The following PARD3B variants were observed in gnomAD, a reference collection of about 807,000 sequenced individuals.
PARD3B encodes par-3 family cell polarity regulator beta, also known as partitioning defective 3 homolog B.
PARD3B carries 103 observed loss-of-function variants against 130.2 expected under a neutral mutation model. The observed-to-expected ratio is 0.79, with a 90% CI of 0.67 to 0.93. The LOEUF (loss-of-function observed/expected upper bound fraction) is 0.93, where lower values mean the gene tolerates loss of function less well. Among genes scored for constraint, PARD3B ranks in the 40% least tolerant of loss-of-function variants. PARD3B has a pLI of 0.00. For synonymous variants in PARD3B, 583 were observed against 553.2 expected (o/e 1.05, Z -0.76); for missense variants, 1,609 against 1,499.2 (o/e 1.07, Z -1.21).
chr2:205,107,226 C>A (rs1045792361), intron 5 of PARD3B, among the ~76,000 whole-genome samples: 1 of 152,204 alleles, frequency 6.6e-6, no homozygotes, highest in African/African-American at 2.4e-5. Context: ...TCTAATTGAT[C>A]CCACATATTA....
At chr2:205,119,526 A>G (rs1334782001) in intron 7 of PARD3B, among the ~76,000 whole-genome samples, 1 of 152,112 alleles carries the variant, frequency 6.6e-6, no homozygotes, top group Non-Finnish European at 1.5e-5. Flanking sequence ...TCATGCCTGT[A>G]ATCCCAGCAT....
chr2:204,960,207 AG>A (rs1690623703), intron 2 of PARD3B, among the ~76,000 whole-genome samples: 1 of 152,164 alleles, frequency 6.6e-6, no homozygotes, highest in African/African-American at 2.4e-5. Context: ...ACTTTTAAAA[AG>A]CTTTACAATA....
intron 3 of PARD3B, among the ~76,000 whole-genome samples, chr2:204,970,124 G>A (rs1006137437): frequency 6.6e-6 from 1 of 151,950 alleles, no homozygotes; most frequent in East Asian, 1.9e-4. Context: ...GGAGTCTCCC[G>A]GTCCTTCCCC....
intron 15 of PARD3B, 33 bp from the exon 16 acceptor site, chr2:205,245,745 C>T (rs760785533): frequency 6.5e-7 from 1 of 1,537,772 alleles, no homozygotes; most frequent in South Asian, 1.2e-5. Context: ...ACAAGCCGGT[C>T]TGATCCTTGT....
At chr2:204,562,837 T>C (rs551834598) in intron 1 of PARD3B, among the ~76,000 whole-genome samples, 3 of 152,232 alleles carry the variant, frequency 2.0e-5, no homozygotes, top group African/African-American at 7.2e-5. Context: ...AAAAATTTTT[T>C]TTTTTCGTTG....
At chr2:205,500,099 G>T in intron 21 of PARD3B, 68 bp downstream of exon 21, 1 of 1,545,438 alleles carries the variant, frequency 6.5e-7, no homozygotes, top group Non-Finnish European at 8.9e-7. Flanking sequence ...AGAAGAACAC[G>T]GTCAAGAATG....
At position 204,571,625 on chromosome 2, in the gene PARD3B, G is replaced by A. The variant is rs544422325; in HGVS notation, c.120+25506G>A. Among the ~76,000 whole-genome samples, 13 of 152,146 alleles carry A rather than the reference G, an allele frequency of 8.5e-5. No homozygotes were observed. In the South Asian group the frequency reaches 2.1e-3, roughly 24 times the overall value. On this transcript the variant is annotated intron_variant, in intron 1 of 22. Coordinates refer to ENST00000406610, the MANE Select transcript of PARD3B (RefSeq NM_001302769.2). ...AATTTTTCTGAGATACCTATATCTCGTCTCCCTAATTAGATTGTAACCTCC... is the reference window on the plus strand; with the variant it reads ...AATTTTTCTGAGATACCTATATCTCATCTCCCTAATTAGATTGTAACCTCC...
chr2:204,580,667 C>T (rs1358330791), intron 1 of PARD3B, among the ~76,000 whole-genome samples: 1 of 152,118 alleles, frequency 6.6e-6, no homozygotes, highest in African/African-American at 2.4e-5. Flanking sequence ...ATTTTGGAGT[C>T]CCCGCCTTCT....
chr2:205,450,857 A>G (rs880344), intron 20 of PARD3B, among the ~76,000 whole-genome samples: 16,288 of 152,176 alleles, frequency 0.11, 1,249 homozygotes, highest in African/African-American at 0.22. Flanking sequence ...TACTTTGGCA[A>G]TTGTTTGTTA....
chr2:205,381,172 TAA>T (rs1491562267), intron 18 of PARD3B, among the ~76,000 whole-genome samples: 1 of 122,650 alleles, frequency 8.2e-6, no homozygotes, highest in Admixed American at 1.0e-4. Context: ...AAAGAATATA[TAA>T]TATATATAAA....
intron 1 of PARD3B, among the ~76,000 whole-genome samples, chr2:204,625,045 T>G (rs903314932): frequency 4.6e-5 from 7 of 152,224 alleles, no homozygotes; most frequent in African/African-American, 7.2e-5. Context: ...CTTAATGTCT[T>G]TAACCCATTT....
At chr2:205,538,096 A>G (rs2051945314) in intron 21 of PARD3B, among the ~76,000 whole-genome samples, 1 of 152,244 alleles carries the variant, frequency 6.6e-6, no homozygotes, top group Non-Finnish European at 1.5e-5. Context: ...TATTACAAAG[A>G]TGAATAAAGC....
At chr2:204,881,529 G>A (rs1239541837) in intron 2 of PARD3B, among the ~76,000 whole-genome samples, 2 of 151,764 alleles carry the variant, frequency 1.3e-5, no homozygotes, top group Non-Finnish European at 2.9e-5. Flanking sequence ...GGACTCACCA[G>A]TGTTATTTTG....
Position 205,183,011 on chromosome 2 carries a change from G to C in PARD3B, c.1925-2753G>C, listed in dbSNP as rs1046596789. Among the ~76,000 whole-genome samples the C allele has an allele frequency of 1.3e-5, 2 of 152,192 alleles. No homozygotes were observed. The highest frequency in any genetic ancestry group is 2.9e-5 in the Non-Finnish European group (2 of 68,028). On this transcript the variant is annotated intron_variant, in intron 13 of 22. Coordinates refer to ENST00000406610, the MANE Select transcript of PARD3B (RefSeq NM_001302769.2). The surrounding 1 kb of genome is among the most constrained non-coding windows in gnomAD (Gnocchi z 5.2). ...GTCCAGCCGTATGCCCAGGAAGAGA[G>C]GAAGAGCACGGATAGAGTGGGCACT... is the stretch of plus-strand genomic sequence containing the variant.
intron 1 of PARD3B, among the ~76,000 whole-genome samples, chr2:204,561,980 G>T (rs2031345552): frequency 6.6e-6 from 1 of 152,102 alleles, no homozygotes; most frequent in Non-Finnish European, 1.5e-5. Flanking sequence ...TAGGACCATT[G>T]TCCCTTGATG....
intron 2 of PARD3B, among the ~76,000 whole-genome samples, chr2:204,703,921 G>T (rs933415041): frequency 2.0e-5 from 3 of 152,064 alleles, no homozygotes; most frequent in Non-Finnish European, 4.4e-5. Flanking sequence ...ATTCAAGGAA[G>T]TTAATGAGTG....
At chr2:205,107,980 A>G (rs1383198345) in intron 5 of PARD3B, among the ~76,000 whole-genome samples, 1 of 152,144 alleles carries the variant, frequency 6.6e-6, no homozygotes, top group African/African-American at 2.4e-5. Flanking sequence ...TCCTGCTTCC[A>G]CAGATAAGCC....
In PARD3B at chr2:205,321,504, A is replaced by G. The variant is rs2042752271; in HGVS notation, c.2630+19803A>G. Among the ~76,000 whole-genome samples the G allele has an allele frequency of 6.6e-6, 1 of 151,542 alleles. No individual in the cohort carries two copies. Among genetic ancestry groups the G allele is most frequent in the Non-Finnish European group, 1.5e-5 (1 of 67,886 alleles). On this transcript the variant is annotated intron_variant, in intron 18 of 22. Transcript: ENST00000406610. The surrounding 1 kb of genome is among the most constrained non-coding windows in gnomAD (Gnocchi z 4.2). ...CCTCTCTCTCTCTCTCCCCCCGCCC[A>G]TATGAATGTATATGCACAAATGCAG... is the stretch of plus-strand genomic sequence containing the variant.
At chr2:205,104,405 T>A in intron 4 of PARD3B, 21 bp from the exon 5 acceptor site, 2 of 1,522,948 alleles carry the variant, frequency 1.3e-6, no homozygotes, top group Non-Finnish European at 9.1e-7. Context: ...ATCACATGCT[T>A]ATGACTTTGT....
Sources: gnomAD v4.1 joint callset for allele counts (sites outside exome capture counted in the v4.1 genomes callset) on GRCh38, gnomAD v4.1.1 for gene constraint, Gnocchi (gnomAD v3.1) non-coding constraint, MANE v1.5 for transcripts, NCBI Gene and HGNC (gene_info 2026-07-23, HGNC 2026-07-21) for gene names.